Variants in TMEM59 observed in about 807,000 individuals in gnomAD.
TMEM59 encodes the protein dendritic cell factor 1.
In TMEM59, 44 loss-of-function variants were observed where a neutral mutation model predicts 42.2. The ratio of observed to expected loss-of-function variants is 1.04; its 90% CI spans 0.82 to 1.34. The LOEUF (loss-of-function observed/expected upper bound fraction) is 1.34, where lower values mean the gene tolerates loss of function less well. Among genes scored for constraint, TMEM59 ranks in the 40% most tolerant of loss-of-function variants. The pLI is 0.00. For missense variants in TMEM59, 359 were observed against 382.8 expected, an observed-to-expected ratio of 0.94 and a Z score of 0.52; for synonymous variants, 148 against 145.8, an observed-to-expected ratio of 1.02 and a Z score of -0.11.
chr1:54,040,421 G>T (rs1291236660), intron 6 of TMEM59, among the ~76,000 whole-genome samples: 2 of 152,150 alleles, frequency 1.3e-5, no homozygotes, highest in Non-Finnish European at 2.9e-5. Flanking sequence ...CTAAAGTGCT[G>T]GGATTACAGG....
chr1:54,029,321 A>AT lies in TMEM59; in HGVS notation c.*2828dup, dbSNP rs1484120419. On this transcript the variant is annotated 3_prime_UTR_variant, in exon 8 of 8. Coordinates refer to ENST00000234831, the MANE Select transcript of TMEM59 (RefSeq NM_004872.5). ...GGAACCTAGGCCCAGATCATTCATT[A>AT]TGGTGATTAGTACTGCTTTTGTAAT... The AT allele has an allele frequency of 5.3e-5, 8 of 152,214 alleles. No homozygotes were observed. The highest frequency in any genetic ancestry group is 1.4e-4 in the African/African-American group (6 of 41,456). The allele number at this position is 152,214 out of a possible 1,614,324, so 9.4% of individuals were successfully genotyped here.
At chr1:54,043,632 A>T (rs1461007003) in intron 3 of TMEM59, 107 bp from the exon 4 acceptor site, 1 of 645,844 alleles carries the variant, frequency 1.5e-6, no homozygotes, top group Non-Finnish European at 2.2e-6. Flanking sequence ...GGATACAAAC[A>T]ATTAAATACA....
At chr1:54,050,750 C>T (rs1657507076) in intron 1 of TMEM59, among the ~76,000 whole-genome samples, 1 of 150,546 alleles carries the variant, frequency 6.6e-6, no homozygotes, top group Non-Finnish European at 1.5e-5. Context: ...TTAGTAGAGA[C>T]AGGGTTTCAC....
Position 54,032,276 on chromosome 1 carries a change from A to T in TMEM59, c.846T>A (p.Phe282Leu), listed in dbSNP as rs768853485. The change falls in exon 8 of 8, where the codon TTT (phenylalanine) becomes TTA (leucine). Residue 282 changes from phenylalanine (F) to leucine (L), a missense_variant. Phe to Leu is a conservative substitution (Grantham distance 22, BLOSUM62 0). Transcript: ENST00000234831. The part of the protein sequence containing the change: ...EKLSIYGDLE[F>L]MNEQKLNRYP... The stretch of plus-strand genomic sequence containing the variant: ...ATCTGTTTAGCTTTTGTTCATTCAT[A>T]AACTCCAAGTCACCATAGATACTCA... 1 of 1,610,478 alleles carries T rather than the reference A, an allele frequency of 6.2e-7. No individual in the cohort carries two copies. Among genetic ancestry groups the T allele is most frequent in the South Asian group, 1.1e-5 (1 of 90,540 alleles).
chr1:54,046,897 A>C (rs1569963484), intron 2 of TMEM59, among the ~76,000 whole-genome samples: 1 of 152,258 alleles, frequency 6.6e-6, no homozygotes, highest in African/African-American at 2.4e-5. Context: ...GGCCTGATTC[A>C]GTAAAAAACT....
At chr1:54,052,936 C>A (rs1569979583) in intron 1 of TMEM59, 64 bp downstream of exon 1, 3 of 1,546,574 alleles carry the variant, frequency 1.9e-6, no homozygotes, top group East Asian at 4.5e-5. Context: ...AGCCGACATA[C>A]GTGTGGGGAG....
chr1:54,047,486 G>T, intron 1 of TMEM59, 114 bp from the exon 2 acceptor site: 1 of 805,888 alleles, frequency 1.2e-6, no homozygotes, highest in Non-Finnish European at 2.0e-6. Context: ...CGTCCAGTAA[G>T]TTTCATAACT....
At chr1:54,033,393 G>A (rs1028899541) in intron 7 of TMEM59, 8 of 151,774 alleles carry the variant, frequency 5.3e-5, no homozygotes, top group African/African-American at 1.7e-4. Flanking sequence ...TTCAGGTCAG[G>A]AGCTCGAGAC....
intron 6 of TMEM59, among the ~76,000 whole-genome samples, chr1:54,040,449 G>A (rs974389212): frequency 3.3e-5 from 5 of 152,136 alleles, no homozygotes; most frequent in Admixed American, 6.6e-5. Flanking sequence ...CACTGTGCCC[G>A]GCCTCAGACA....
In TMEM59 at chr1:54,029,825, C is replaced by T. The variant is rs978431815; in HGVS notation, c.*2325G>A. ...TCACTGTACGTACCCTGACCCTAGA[C>T]TCTAGTGTAGAACAAGTAGTTAAGG... On this transcript the variant is annotated 3_prime_UTR_variant, in exon 8 of 8. Transcript: ENST00000234831. 4 of 152,086 alleles carry T rather than the reference C, an allele frequency of 2.6e-5. No homozygotes were observed. The highest frequency in any genetic ancestry group is 9.7e-5 in the African/African-American group (4 of 41,416). 9.4% of individuals were successfully genotyped at this position (152,086 alleles called of 1,614,324 possible).
chr1:54,046,798 GA>G (rs1430312121), intron 2 of TMEM59, among the ~76,000 whole-genome samples: 1 of 152,200 alleles, frequency 6.6e-6, no homozygotes, highest in Non-Finnish European at 1.5e-5. Flanking sequence ...CAAAAAGAAA[GA>G]AAAGTGGTTT....
Position 54,029,626 on chromosome 1 carries a change from C to T in TMEM59, c.*2524G>A, listed in dbSNP as rs898084829. 4 of 151,926 alleles carry T rather than the reference C, an allele frequency of 2.6e-5. No homozygotes were observed. Among genetic ancestry groups the T allele is most frequent in the African/African-American group, 4.8e-5 (2 of 41,360 alleles). The allele number at this position is 151,926 out of a possible 1,614,324, so 9.4% of individuals were successfully genotyped here. A position where few individuals can be genotyped will look rare whatever the true frequency, so the allele number is the denominator to read the frequency against. On this transcript the variant is annotated 3_prime_UTR_variant, in exon 8 of 8. Coordinates refer to ENST00000234831, the MANE Select transcript of TMEM59 (RefSeq NM_004872.5). Reference sequence around the variant, plus strand: ...TTGCTTTGGTTGGGATTTTCAAGATCGGAAACATTTTTATGCTGTATATAT... The same window carrying T: ...TTGCTTTGGTTGGGATTTTCAAGATTGGAAACATTTTTATGCTGTATATAT...
rs1321744267 is a variant in TMEM59, at chr1:54,027,525, T to G, written c.*4625A>C. 2.0e-5 allele frequency: 3 copies of G among 151,992 alleles called. No individual in the cohort carries two copies. The highest frequency in any genetic ancestry group is 7.3e-5 in the African/African-American group (3 of 41,354). The allele number at this position is 151,992 out of a possible 1,614,324, so 9.4% of individuals were successfully genotyped here. ...GGCTCATGCCTGCAATCCAAACACTTTGGGAGGCTGAGGCGGGCAGATTAC... is the reference window on the plus strand; with the variant it reads ...GGCTCATGCCTGCAATCCAAACACTGTGGGAGGCTGAGGCGGGCAGATTAC... On this transcript the variant is annotated 3_prime_UTR_variant, in exon 8 of 8. Coordinates refer to ENST00000234831, the MANE Select transcript of TMEM59 (RefSeq NM_004872.5).
chr1:54,041,362 A>G (rs1219376499), intron 5 of TMEM59, among the ~76,000 whole-genome samples: 1 of 152,150 alleles, frequency 6.6e-6, no homozygotes, highest in Non-Finnish European at 1.5e-5. Context: ...ATTGGGAAAT[A>G]CCAGAATATT....
At chr1:54,047,786 C>T (rs1657393885) in intron 1 of TMEM59, 2 of 206,206 alleles carry the variant, frequency 9.7e-6, no homozygotes, top group Non-Finnish European at 1.9e-5. Flanking sequence ...TATAGCGAGA[C>T]CCCATCTGTA....
intron 3 of TMEM59, 184 bp downstream of exon 3, chr1:54,045,508 T>C (rs1657298711): frequency 3.8e-6 from 2 of 526,432 alleles, no homozygotes; most frequent in Middle Eastern, 3.0e-4. Flanking sequence ...TAACTTTTAA[T>C]AGTAAAGCAT....
intron 6 of TMEM59, among the ~76,000 whole-genome samples, chr1:54,038,540 C>T (rs1267512008): frequency 6.6e-6 from 1 of 152,174 alleles, no homozygotes; most frequent in African/African-American, 2.4e-5. Flanking sequence ...AAAGAGTGAC[C>T]TCAATTTCCA....
At chr1:54,035,235 A>G (rs964544005) in intron 7 of TMEM59, among the ~76,000 whole-genome samples, 1 of 152,182 alleles carries the variant, frequency 6.6e-6, no homozygotes, top group Non-Finnish European at 1.5e-5. Flanking sequence ...AAACATCTTT[A>G]TAGTCTATTA....
upstream of TMEM59, chr1:54,053,303 C>T: frequency 7.5e-7 from 1 of 1,329,224 alleles, no homozygotes; most frequent in East Asian, 2.4e-5. Context: ...TCCGCCTCCG[C>T]TGTCACTTCA....
Sources: allele counts gnomAD v4.1 joint callset (sites outside exome capture counted in the v4.1 genomes callset), GRCh38; gene constraint gnomAD v4.1.1; transcripts MANE v1.5; gene names NCBI Gene and HGNC (gene_info 2026-07-23, HGNC 2026-07-21).